The following SARS1 variants were observed in gnomAD, a reference collection of about 807,000 sequenced individuals.
The protein encoded by SARS1 is serine--tRNA ligase, cytoplasmic.
In SARS1, 25 loss-of-function variants were observed where a neutral mutation model predicts 63.7. The observed-to-expected ratio is 0.39, with a 90% CI of 0.29 to 0.55. The LOEUF is 0.55. Ranked by LOEUF, SARS1 falls within the 20% of genes least tolerant of loss-of-function variation. The pLI is 0.62. For synonymous variants in SARS1, 231 were observed against 243.5 expected (o/e 0.95, Z 0.48); for missense variants, 417 against 649.7 (o/e 0.64, Z 3.89).
At chr1:109,218,600 A>G (rs536192037) in intron 1 of SARS1, among the ~76,000 whole-genome samples, 2 of 152,218 alleles carry the variant, frequency 1.3e-5, no homozygotes, top group East Asian at 1.9e-4. Context: ...AAAGTCCCCC[A>G]TGCCTTCCTG....
Position 109,214,617 on chromosome 1 carries a change from A to T in SARS1, c.136+489A>T. ...GATTCATTCCTTCGGTATCGGAAGCATTTCGGGGCGTTGGAGGCCGCTCTT... is the reference window on the plus strand; with the variant it reads ...GATTCATTCCTTCGGTATCGGAAGCTTTTCGGGGCGTTGGAGGCCGCTCTT... On this transcript the variant is annotated intron_variant, in intron 1 of 10. Transcript: ENST00000234677. This position sits in a 1 kb window ranked among gnomAD's most constrained non-coding sequence, Gnocchi z 4.6. 3 of 985,822 alleles carry T rather than the reference A, an allele frequency of 3.0e-6. No homozygotes were observed. The highest frequency in any genetic ancestry group is 2.4e-6 in the Non-Finnish European group (2 of 830,176). The allele number at this position is 985,822 out of a possible 1,614,324, so 61.1% of individuals were successfully genotyped here. A position where few individuals can be genotyped will look rare whatever the true frequency, so the allele number is the denominator to read the frequency against.
At chr1:109,229,610 C>A in intron 4 of SARS1, 38 bp downstream of exon 4, 1 of 1,593,932 alleles carries the variant, frequency 6.3e-7, no homozygotes, top group South Asian at 1.1e-5. Context: ...TGCCTTAGGT[C>A]GCTGCTGTCT....
chr1:109,221,995 TATATATATATATA>T (rs1324496172), intron 1 of SARS1, among the ~76,000 whole-genome samples: 4,117 of 26,652 alleles, frequency 0.15, 2,019 homozygotes, highest in Non-Finnish European at 0.18. Context: ...TATATATATA[TATATATATATATA>T]TATTTTTTTT....
At chr1:109,215,106 C>A in intron 1 of SARS1, 1 of 985,358 alleles carries the variant, frequency 1.0e-6, no homozygotes, top group Non-Finnish European at 1.2e-6. Context: ...TTGATTTTCT[C>A]CTGTTTATAA....
At chr1:109,222,559 G>C (rs1051260982) in intron 1 of SARS1, among the ~76,000 whole-genome samples, 2 of 152,110 alleles carry the variant, frequency 1.3e-5, no homozygotes, top group Non-Finnish European at 2.9e-5. Flanking sequence ...CATCTCTATA[G>C]TTTTATCAAT....
chr1:109,232,833 A>G (rs1655235505), intron 6 of SARS1, among the ~76,000 whole-genome samples: 1 of 152,216 alleles, frequency 6.6e-6, no homozygotes, highest in Non-Finnish European at 1.5e-5. Flanking sequence ...TGCAGGTAAC[A>G]GTAGGGAGAA....
intron 6 of SARS1, among the ~76,000 whole-genome samples, chr1:109,232,393 G>A (rs954125079): frequency 7.2e-5 from 11 of 152,182 alleles, no homozygotes; most frequent in African/African-American, 4.8e-5. Context: ...TTTCTAGAGC[G>A]TCTCTGCTAA....
chr1:109,214,144 G>A lies in SARS1; in HGVS notation c.136+16G>A, dbSNP rs200064274. ...TGGCGACGATGTAAGTACCGGGACGGGCGGGTTACCTCCTTGATGCTAAAC... is the reference window on the plus strand; with the variant it reads ...TGGCGACGATGTAAGTACCGGGACGAGCGGGTTACCTCCTTGATGCTAAAC... On this transcript the variant is annotated intron_variant, in intron 1 of 10. Transcript: ENST00000234677. This position sits in a 1 kb window ranked among gnomAD's most constrained non-coding sequence, Gnocchi z 4.6. 4.3e-6 allele frequency: 7 copies of A among 1,612,624 alleles called. No homozygotes were observed. Among genetic ancestry groups the A allele is most frequent in the Non-Finnish European group, 5.9e-6 (7 of 1,179,262 alleles).
chr1:109,236,315 T>C (rs1315278430), intron 8 of SARS1, 76 bp from the exon 9 acceptor site: 13 of 1,456,308 alleles, frequency 8.9e-6, no homozygotes, highest in Non-Finnish European at 1.2e-5. Context: ...AATTAAAGAA[T>C]TCTTCAGGCT....
chr1:109,238,100 A>G lies in SARS1; in HGVS notation c.*212A>G. On this transcript the variant is annotated 3_prime_UTR_variant, in exon 11 of 11. Coordinates refer to ENST00000234677, the MANE Select transcript of SARS1 (RefSeq NM_006513.4). The stretch of plus-strand genomic sequence containing the variant: ...CATTGATGACTGATGAAACCATGTA[A>G]TAAAGCATCTCTGGGGAGGGCTTAG... The G allele has an allele frequency of 1.7e-6, 1 of 602,478 alleles. No homozygotes were observed. Among genetic ancestry groups the G allele is most frequent in the Non-Finnish European group, 3.0e-6 (1 of 336,218 alleles). The allele number at this position is 602,478 out of a possible 1,614,324, so 37.3% of individuals were successfully genotyped here. A position where few individuals can be genotyped will look rare whatever the true frequency, so the allele number is the denominator to read the frequency against.
Position 109,235,868 on chromosome 1 carries a change from C to A in SARS1, c.970-109C>A. The A allele has an allele frequency of 8.9e-7, 1 of 1,124,274 alleles. No homozygotes were observed. Among genetic ancestry groups the A allele is most frequent in the Non-Finnish European group, 1.3e-6 (1 of 790,390 alleles). The allele number at this position is 1,124,274 out of a possible 1,614,324, so 69.6% of individuals were successfully genotyped here. On this transcript the variant is annotated intron_variant, in intron 7 of 10. Coordinates refer to ENST00000234677, the MANE Select transcript of SARS1 (RefSeq NM_006513.4). The surrounding 1 kb of genome is among the most constrained non-coding windows in gnomAD (Gnocchi z 4.7). ...CCAGTTGCTGGGGGCCCAGACTTGC[C>A]TGCCTCCCAGTGGTGTGGAAACAGG...
rs1390338472 is a variant in SARS1, at chr1:109,214,079, C to G, written c.87C>G (p.Asp29Glu). Residue 29 changes from aspartate to glutamate, a missense_variant, in exon 1 of 11, where the codon GAC becomes GAG. By Grantham distance (45) the Asp-to-Glu change is conservative. Transcript: ENST00000234677. The surrounding 1 kb of genome is among the most constrained non-coding windows in gnomAD (Gnocchi z 4.6). ...AGACGCAGGAGAAGCGCTTCAAGGACCCGGGACTAGTGGACCAGCTGGTGA... is the reference window on the plus strand; with the variant it reads ...AGACGCAGGAGAAGCGCTTCAAGGAGCCGGGACTAGTGGACCAGCTGGTGA... ...IRETQEKRFK[D>E]PGLVDQLVKA... 3 of 1,614,028 alleles carry G rather than the reference C, an allele frequency of 1.9e-6. No individual in the cohort carries two copies. In the African/African-American group the frequency reaches 4.0e-5, roughly 22 times the overall value.
intron 1 of SARS1, among the ~76,000 whole-genome samples, chr1:109,218,447 A>C (rs937230895): frequency 1.3e-5 from 2 of 151,042 alleles, no homozygotes; most frequent in Non-Finnish European, 2.9e-5. Context: ...CAAACTCCAA[A>C]GTATGTTTTA....
At chr1:109,221,061 CTTTTT>C (rs1164086091) in intron 1 of SARS1, among the ~76,000 whole-genome samples, 3 of 139,124 alleles carry the variant, frequency 2.2e-5, no homozygotes, top group Non-Finnish European at 3.1e-5. Flanking sequence ...CTTTTCTTCT[CTTTTT>C]TTTTTTTTTT....
At chr1:109,224,485 A>G (rs1655023865) in intron 2 of SARS1, among the ~76,000 whole-genome samples, 2 of 152,150 alleles carry the variant, frequency 1.3e-5, no homozygotes, top group Non-Finnish European at 1.5e-5. Flanking sequence ...TTATAAAATG[A>G]CAATACTAAC....
Position 109,231,020 on chromosome 1 carries a change from A to C in SARS1, c.590A>C (p.Lys197Thr). The C allele has an allele frequency of 1.3e-6, 2 of 1,484,222 alleles. No individual in the cohort carries two copies. The highest frequency in any genetic ancestry group is 5.1e-5 in the East Asian group (2 of 38,952). The allele number at this position is 1,484,222 out of a possible 1,614,324, so 91.9% of individuals were successfully genotyped here. The stretch of plus-strand genomic sequence containing the variant: ...GCTGGGAGTCGAGGGTACTTCTTGA[A>C]GGTAAGAGCTGGGAACCAGTGAGGA... ...VVAGSRGYFL[K>T]GVLVFLEQAL... Residue 197 changes from lysine (K) to threonine (T), a missense_variant and splice_region_variant, in exon 5 of 11, where the codon AAG becomes ACG. Lys to Thr is a moderately conservative substitution (Grantham distance 78, BLOSUM62 -1). This residue lies in a region of SARS1 where 359 missense variants were observed against 529.6 expected (regional missense o/e 0.68). Transcript: ENST00000234677.
At chr1:109,224,350 C>A (rs1570756919) in intron 2 of SARS1, among the ~76,000 whole-genome samples, 1 of 152,000 alleles carries the variant, frequency 6.6e-6, no homozygotes, top group East Asian at 1.9e-4. Flanking sequence ...TTTTTTATGG[C>A]AGATTTCAGA....
intron 1 of SARS1, chr1:109,216,916 C>T (rs1356488577): frequency 2.2e-5 from 22 of 985,124 alleles, no homozygotes; most frequent in Non-Finnish European, 2.7e-5. Flanking sequence ...AGTCACCATG[C>T]CCAGGCTAAA....
In SARS1 at chr1:109,237,639, G is replaced by A. The variant is rs1049062540; in HGVS notation, c.1388-92G>A. On this transcript the variant is annotated intron_variant, in intron 10 of 10. Coordinates refer to ENST00000234677, the MANE Select transcript of SARS1 (RefSeq NM_006513.4). The surrounding 1 kb of genome is among the most constrained non-coding windows in gnomAD (Gnocchi z 4.1). Reference sequence around the variant, plus strand: ...TATCAAAGGGACCCCTCTGTTCAAAGGGATCATTGTCTTGTTGAATTCTCC... The same window carrying A: ...TATCAAAGGGACCCCTCTGTTCAAAAGGATCATTGTCTTGTTGAATTCTCC... The A allele has an allele frequency of 2.1e-6, 3 of 1,418,862 alleles. No homozygotes were observed. The African/African-American group carries it at 4.3e-5, about 20-fold the overall frequency. The allele number at this position is 1,418,862 out of a possible 1,614,324, so 87.9% of individuals were successfully genotyped here. A position where few individuals can be genotyped will look rare whatever the true frequency, so the allele number is the denominator to read the frequency against.
Sources: allele counts gnomAD v4.1 joint callset (sites outside exome capture counted in the v4.1 genomes callset), GRCh38; gene constraint gnomAD v4.1.1; regional missense constraint gnomAD v4.1.1; non-coding constraint Gnocchi (gnomAD v3.1); transcripts MANE v1.5; gene names NCBI Gene and HGNC (gene_info 2026-07-23, HGNC 2026-07-21).